Variants in ZNF638 observed in about 807,000 individuals in gnomAD.
ZNF638 encodes the protein zinc finger protein 638.
ZNF638 carries 46 observed loss-of-function variants against 195.6 expected under a neutral mutation model. The ratio of observed to expected loss-of-function variants is 0.24; its 90% CI spans 0.19 to 0.30. The LOEUF (loss-of-function observed/expected upper bound fraction) is 0.30. Ranked by LOEUF, ZNF638 falls within the 10% of genes least tolerant of loss-of-function variation. ZNF638 has a pLI of 1.00. For missense variants in ZNF638, 2,440 were observed against 2,325.3 expected (o/e 1.05, Z -1.01); for synonymous variants, 845 against 772.0 (o/e 1.09, Z -1.57).
intron 21 of ZNF638, 128 bp downstream of exon 21, chr2:71,418,767 T>C (rs1419376303): frequency 5.4e-6 from 3 of 553,310 alleles, no homozygotes; most frequent in East Asian, 3.2e-5. Context: ...TGTGTACATA[T>C]GGGCTTGTTA....
Position 71,349,356 on chromosome 2 carries a change from C to T in ZNF638, c.402C>T (p.Arg134=). 6.2e-7 allele frequency: 1 copy of T among 1,614,110 alleles called. No individual in the cohort carries two copies. The highest frequency in any genetic ancestry group is 1.1e-5 in the South Asian group (1 of 91,084). The change falls in exon 2 of 28, where the codon CGC becomes CGT. Residue 134 remains arginine (R), a synonymous_variant. Transcript: ENST00000264447. ...VTEQSPKVQS[R]YTKESASSIL... is the part of the protein sequence containing the mutation. ...AGCAGAGTCCCAAAGTACAGAGCCG[C>T]TATACAAAAGAGAGTGCCTCAAGTA...
At chr2:71,391,715 A>G (rs2079782358) in intron 10 of ZNF638, among the ~76,000 whole-genome samples, 1 of 152,194 alleles carries the variant, frequency 6.6e-6, no homozygotes, top group Non-Finnish European at 1.5e-5. Context: ...TTACTGGGTG[A>G]TATTAACTGG....
intron 3 of ZNF638, among the ~76,000 whole-genome samples, chr2:71,359,108 T>C (rs2079068584): frequency 6.6e-6 from 1 of 152,188 alleles, no homozygotes; most frequent in Non-Finnish European, 1.5e-5. Flanking sequence ...GAATCTACAG[T>C]ATCTCTGAGG....
At chr2:71,417,133 C>T (rs549015771) in intron 20 of ZNF638, among the ~76,000 whole-genome samples, 58 of 149,042 alleles carry the variant, frequency 3.9e-4, no homozygotes, top group African/African-American at 1.3e-3. Context: ...AGCGAGATTC[C>T]GTGGGCATAG....
At chr2:71,344,218 C>T (rs1558829565) in intron 1 of ZNF638, among the ~76,000 whole-genome samples, 1 of 152,348 alleles carries the variant, frequency 6.6e-6, no homozygotes, top group South Asian at 2.1e-4. Context: ...ATTTTCCTAT[C>T]TTTTTTGTAT....
intron 20 of ZNF638, 100 bp downstream of exon 20, chr2:71,408,347 G>GATTTTTATA: frequency 7.4e-7 from 1 of 1,355,124 alleles, no homozygotes. Context: ...GTTTAGAGAT[G>GATTTTTATA]ATTTTTATAA....
At chr2:71,417,864 A>C (rs1028220260) in intron 20 of ZNF638, among the ~76,000 whole-genome samples, 4 of 152,178 alleles carry the variant, frequency 2.6e-5, no homozygotes, top group Non-Finnish European at 5.9e-5. Context: ...CTCTCTAGAC[A>C]CATTGAATTT....
rs371354449 is a variant in ZNF638 at position 71,389,122 on chromosome 2, C to T, written c.2378-7019C>T. Among the ~76,000 whole-genome samples, 6 of 152,160 alleles carry T rather than the reference C, an allele frequency of 3.9e-5. No homozygotes were observed. In the South Asian group the frequency reaches 8.3e-4, roughly 21 times the overall value. ...GAACCATCACCTACCTTACCGCCGC[C>T]TCCTCTTCCCTCAGCCCTGCCATTA... On this transcript the variant is annotated intron_variant, in intron 10 of 27. Transcript: ENST00000264447.
rs756204632 is a variant in ZNF638 at position 71,363,237 on chromosome 2, A to G, written c.1418+46A>G. ...TATTATTAAAACCTGATTGTCTTTT[A>G]AAAGTAAACAGTTAATTTTAAGAAA... On this transcript the variant is annotated intron_variant, in intron 4 of 27. Transcript: ENST00000264447. 9 of 1,343,590 alleles carry G rather than the reference A, an allele frequency of 6.7e-6. No homozygotes were observed. The South Asian group carries it at 1.2e-4, about 18-fold the overall frequency. The allele number at this position is 1,343,590 out of a possible 1,614,324, so 83.2% of individuals were successfully genotyped here. A position where few individuals can be genotyped will look rare whatever the true frequency, so the allele number is the denominator to read the frequency against.
chr2:71,376,955 T>G lies in ZNF638; in HGVS notation c.2266-3267T>G, dbSNP rs547470695. On this transcript the variant is annotated intron_variant, in intron 8 of 27. Transcript: ENST00000264447. ...TTTTTTTCCCAGGGAAAGGGCCATA[T>G]TCTCATACTTCGAAAGTTTTCTTTA... Among the ~76,000 whole-genome samples, 7 of 152,292 alleles carry G rather than the reference T, an allele frequency of 4.6e-5. No individual in the cohort carries two copies. In the South Asian group the frequency reaches 1.5e-3, roughly 32 times the overall value.
chr2:71,358,086 A>C (rs1048341236), intron 3 of ZNF638, among the ~76,000 whole-genome samples: 2 of 152,182 alleles, frequency 1.3e-5, no homozygotes, highest in East Asian at 3.8e-4. Context: ...GACTGGGGAC[A>C]ATCATTGACA....
intron 10 of ZNF638, among the ~76,000 whole-genome samples, chr2:71,387,581 G>C (rs1320489247): frequency 6.6e-6 from 1 of 151,830 alleles, no homozygotes; most frequent in Non-Finnish European, 1.5e-5. Flanking sequence ...TGAGGCAGGA[G>C]AATTGCCTGA....
At chr2:71,333,067 A>C (rs1213784821) in intron 1 of ZNF638, 2 of 152,178 alleles carry the variant, frequency 1.3e-5, no homozygotes, top group Non-Finnish European at 2.9e-5. Context: ...AAAAGGATTG[A>C]CCAAAAAAAG....
chr2:71,347,423 A>G (rs2078868910), intron 1 of ZNF638, among the ~76,000 whole-genome samples: 1 of 152,230 alleles, frequency 6.6e-6, no homozygotes, highest in African/African-American at 2.4e-5. Context: ...AGCCAAATTA[A>G]CAATTACTAA....
Position 71,418,616 on chromosome 2 carries a change from T to C in ZNF638, c.3276T>C (p.His1092=), listed in dbSNP as rs747251611. Residue 1092 remains histidine (H), a synonymous_variant, in exon 21 of 28, where the codon CAT becomes CAC. Coordinates refer to ENST00000264447, the MANE Select transcript of ZNF638 (RefSeq NM_014497.5). Reference sequence around the variant, plus strand: ...TTATATTACAGGTGCAAATTGAGCATGACCCAGAATTAGAAAAAGAAAGGT... The same window carrying C: ...TTATATTACAGGTGCAAATTGAGCACGACCCAGAATTAGAAAAAGAAAGGT... ...KIDLPEVQIE[H]DPELEKESPG... is the part of the protein sequence containing the mutation. The C allele has an allele frequency of 1.3e-6, 2 of 1,558,266 alleles. No homozygotes were observed. The highest frequency in any genetic ancestry group is 1.2e-5 in the South Asian group (1 of 80,168).
intron 10 of ZNF638, among the ~76,000 whole-genome samples, chr2:71,390,746 A>G (rs1325032794): frequency 6.6e-6 from 1 of 152,182 alleles, no homozygotes; most frequent in Non-Finnish European, 1.5e-5. Context: ...TTCGATTATT[A>G]GTTATCAAAA....
chr2:71,364,798 A>G (rs1427526209), intron 5 of ZNF638, among the ~76,000 whole-genome samples: 1 of 152,210 alleles, frequency 6.6e-6, no homozygotes, highest in Non-Finnish European at 1.5e-5. Flanking sequence ...CTTTAATTAT[A>G]TAAGGCATTC....
intron 1 of ZNF638, among the ~76,000 whole-genome samples, chr2:71,336,372 C>CAAAAAAAAAAAA (rs66593443): frequency 9.5e-6 from 1 of 105,558 alleles, no homozygotes; most frequent in Non-Finnish European, 1.9e-5. Flanking sequence ...ATTCCATCTC[C>CAAAAAAAAAAAA]AAAAAAAAAA....
Position 71,426,473 on chromosome 2 carries a change from C to T in ZNF638, c.4604C>T (p.Pro1535Leu), listed in dbSNP as rs1395875222. Residue 1535 changes from proline to leucine, a missense_variant, in exon 24 of 28, where the codon CCA becomes CTA. Transcript: ENST00000264447. The stretch of plus-strand genomic sequence containing the variant: ...ACTTTCCAACAGGAGCCATTATTTC[C>T]ATTTAATTTGGATGAATTTGTTACT... The part of the protein sequence containing the change: ...SSKSKEEPLF[P>L]FNLDEFVTVD... The T allele has an allele frequency of 6.4e-7, 1 of 1,568,882 alleles. No individual in the cohort carries two copies. The highest frequency in any genetic ancestry group is 8.6e-7 in the Non-Finnish European group (1 of 1,163,328).
Sources: gnomAD v4.1 joint callset for allele counts (sites outside exome capture counted in the v4.1 genomes callset) on GRCh38, gnomAD v4.1.1 for gene constraint, MANE v1.5 for transcripts, NCBI Gene and HGNC (gene_info 2026-07-23, HGNC 2026-07-21) for gene names.